The following GALNTL6 variants were observed in gnomAD, a reference collection of about 807,000 sequenced individuals.
GALNTL6 encodes polypeptide N-acetylgalactosaminyltransferase-like 6.
Under a neutral mutation model 73.7 loss-of-function variants are expected in GALNTL6, and 46 were observed. The observed-to-expected ratio is 0.62, with a 90% CI of 0.49 to 0.80. GALNTL6 has a LOEUF of 0.80. Ranked by LOEUF, GALNTL6 falls within the 30% of genes least tolerant of loss-of-function variation. GALNTL6 has a pLI of 0.00. For missense variants in GALNTL6, 604 were observed against 755.0 expected, an observed-to-expected ratio of 0.80 and a Z score of 2.34; for synonymous variants, 259 against 263.7, an observed-to-expected ratio of 0.98 and a Z score of 0.17.
In GALNTL6 at chr4:172,033,963, A is replaced by G. The variant is rs192045534; in HGVS notation, c.139-195693A>G. Reference sequence around the variant, plus strand: ...CTAATTGCTCAGGGCTGCCAACTCAATGACTAACTTTTAACATACATGATT... The same window carrying G: ...CTAATTGCTCAGGGCTGCCAACTCAGTGACTAACTTTTAACATACATGATT... On this transcript the variant is annotated intron_variant, in intron 2 of 12. Transcript: ENST00000506823. 1.1e-3 allele frequency among the ~76,000 whole-genome samples: 164 copies of G among 152,254 alleles called. 3 individuals carry two copies. The highest frequency in any genetic ancestry group is 0.01 in the Middle Eastern group (3 of 294).
chr4:172,710,155 G>A (rs2111322079), intron 5 of GALNTL6, among the ~76,000 whole-genome samples: 1 of 152,260 alleles, frequency 6.6e-6, no homozygotes, highest in Admixed American at 6.5e-5. Flanking sequence ...TGTTGGCAGG[G>A]TGTGAGAGAA....
At position 172,889,190 on chromosome 4, in the gene GALNTL6, T is replaced by C. The variant is rs561841808; in HGVS notation, c.1041+6283T>C. On this transcript the variant is annotated intron_variant, in intron 8 of 12. Coordinates refer to ENST00000506823, the MANE Select transcript of GALNTL6 (RefSeq NM_001034845.3). ...TCTGCGGGGTTTTCTAAGCATAGAA[T>C]CATATCATTAGTGAAGAGCGATAAT... Among the ~76,000 whole-genome samples, 14 of 152,324 alleles carry C rather than the reference T, an allele frequency of 9.2e-5. No homozygotes were observed. In the South Asian group the frequency reaches 2.9e-3, roughly 32 times the overall value.
intron 5 of GALNTL6, among the ~76,000 whole-genome samples, chr4:172,572,777 T>C (rs1339920297): frequency 6.6e-6 from 1 of 152,190 alleles, no homozygotes; most frequent in Non-Finnish European, 1.5e-5. Flanking sequence ...GATGCTACCA[T>C]ACTTTACTAA....
intron 2 of GALNTL6, among the ~76,000 whole-genome samples, chr4:172,120,520 C>A (rs1733118753): frequency 6.6e-6 from 1 of 152,032 alleles, no homozygotes; most frequent in African/African-American, 2.4e-5. Flanking sequence ...CTCTTCATCC[C>A]CATATCCTTG....
intron 5 of GALNTL6, among the ~76,000 whole-genome samples, chr4:172,439,794 G>T (rs336006): frequency 0.87 from 131,938 of 152,014 alleles, 57,291 homozygotes; most frequent in South Asian, 0.89. Flanking sequence ...AGTTTTAGGT[G>T]CACATCAATA....
intron 5 of GALNTL6, among the ~76,000 whole-genome samples, chr4:172,744,378 TA>T (rs1736974902): frequency 6.6e-6 from 1 of 152,064 alleles, no homozygotes; most frequent in Non-Finnish European, 1.5e-5. Context: ...TTGGAGAAAG[TA>T]CTAGCAATAC....
intron 5 of GALNTL6, among the ~76,000 whole-genome samples, chr4:172,605,295 C>G (rs1212393851): frequency 6.6e-6 from 1 of 152,100 alleles, no homozygotes; most frequent in Non-Finnish European, 1.5e-5. Flanking sequence ...TTGTATCTCC[C>G]TAAACCCACA....
chr4:172,252,589 A>G (rs1737919242), intron 3 of GALNTL6, among the ~76,000 whole-genome samples: 1 of 152,116 alleles, frequency 6.6e-6, no homozygotes, highest in African/African-American at 2.4e-5. Flanking sequence ...TTCTATAGAT[A>G]TGCAGTTTTT....
chr4:172,200,327 G>A (rs1368489535), intron 2 of GALNTL6, among the ~76,000 whole-genome samples: 3 of 152,170 alleles, frequency 2.0e-5, no homozygotes, highest in Non-Finnish European at 4.4e-5. Flanking sequence ...TTTTAGGACT[G>A]CTGCTCATGG....
intron 2 of GALNTL6, among the ~76,000 whole-genome samples, chr4:172,142,418 C>T (rs1296296498): frequency 1.3e-5 from 2 of 152,012 alleles, no homozygotes; most frequent in African/African-American, 4.8e-5. Context: ...CACTTGATTG[C>T]AATCAGCATG....
At position 172,071,654 on chromosome 4, in the gene GALNTL6, T is replaced by C. The variant is rs1731535640; in HGVS notation, c.139-158002T>C. Among the ~76,000 whole-genome samples the C allele has an allele frequency of 1.8e-5, 2 of 110,646 alleles. 1 individual carries two copies. The highest frequency in any genetic ancestry group is 6.8e-5 in the African/African-American group (2 of 29,392). 72.6% of individuals were successfully genotyped at this position (110,646 alleles called of 152,430 possible). A position where few individuals can be genotyped will look rare whatever the true frequency, so the allele number is the denominator to read the frequency against. On this transcript the variant is annotated intron_variant, in intron 2 of 12. Coordinates refer to ENST00000506823, the MANE Select transcript of GALNTL6 (RefSeq NM_001034845.3). Reference sequence around the variant, plus strand: ...TGCATTTAAGGTAGTGTTTGTTGTATATAAATAAATTCAATTAGGAAAAAG... The same window carrying C: ...TGCATTTAAGGTAGTGTTTGTTGTACATAAATAAATTCAATTAGGAAAAAG...
chr4:172,791,090 G>A lies in GALNTL6; in HGVS notation c.554-18271G>A, dbSNP rs114473458. ...GGAACAGACATCCAGAGAAAATGCT[G>A]CATTGGAAGAAAATGGGGAAGACAA... On this transcript the variant is annotated intron_variant, in intron 5 of 12. Coordinates refer to ENST00000506823, the MANE Select transcript of GALNTL6 (RefSeq NM_001034845.3). 4.3e-3 allele frequency among the ~76,000 whole-genome samples: 650 copies of A among 152,192 alleles called. 4 individuals carry two copies. The highest frequency in any genetic ancestry group is 0.015 in the African/African-American group (607 of 41,508).
chr4:172,707,309 T>C (rs755720461), intron 5 of GALNTL6, among the ~76,000 whole-genome samples: 22 of 152,206 alleles, frequency 1.4e-4, no homozygotes, highest in Non-Finnish European at 2.9e-4. Context: ...CAAGTAGGCA[T>C]GTAGTGTTTG....
chr4:172,851,444 CATATATATCACGCATATATACAT>C (rs1743815711), intron 7 of GALNTL6, among the ~76,000 whole-genome samples: 1 of 151,810 alleles, frequency 6.6e-6, no homozygotes, highest in African/African-American at 2.4e-5. Flanking sequence ...ATATATCACA[CATATATATCACGCATATATACAT>C]ATATATATCA....
At chr4:172,760,374 A>T (rs1045819957) in intron 5 of GALNTL6, among the ~76,000 whole-genome samples, 2 of 152,178 alleles carry the variant, frequency 1.3e-5, no homozygotes, top group Non-Finnish European at 2.9e-5. Flanking sequence ...ACCTAGAAGT[A>T]AAAGTCTTGG....
chr4:171,858,590 C>T (rs1468730769), intron 2 of GALNTL6, among the ~76,000 whole-genome samples: 1 of 151,864 alleles, frequency 6.6e-6, no homozygotes, highest in Non-Finnish European at 1.5e-5. Flanking sequence ...TAAGTAAAAA[C>T]CAACATTATG....
intron 5 of GALNTL6, among the ~76,000 whole-genome samples, chr4:172,728,261 T>G (rs1341353823): frequency 6.6e-6 from 1 of 152,166 alleles, no homozygotes; most frequent in Non-Finnish European, 1.5e-5. Context: ...TTCTTCCTTT[T>G]CTCTTATATT....
At chr4:172,277,315 A>C (rs1387742666) in intron 3 of GALNTL6, among the ~76,000 whole-genome samples, 1 of 152,162 alleles carries the variant, frequency 6.6e-6, no homozygotes. Flanking sequence ...TCCTGCCTGC[A>C]GGATCCCATT....
intron 2 of GALNTL6, among the ~76,000 whole-genome samples, chr4:171,993,157 T>C (rs1369016112): frequency 6.6e-6 from 1 of 151,646 alleles, no homozygotes; most frequent in East Asian, 1.9e-4. Context: ...ATTCAGACAA[T>C]GGAATGGGTA....
Sources: allele counts gnomAD v4.1 joint callset (sites outside exome capture counted in the v4.1 genomes callset), GRCh38; gene constraint gnomAD v4.1.1; transcripts MANE v1.5; gene names NCBI Gene and HGNC (gene_info 2026-07-23, HGNC 2026-07-21).